The following STK24 variants were observed in gnomAD, a reference collection of about 807,000 sequenced individuals.
STK24 encodes serine/threonine kinase 24, also known as serine/threonine-protein kinase 24.
A neutral mutation model predicts 55.6 loss-of-function variants in STK24; 21 were observed. The ratio of observed to expected loss-of-function variants is 0.38; its 90% CI spans 0.27 to 0.54. STK24 has a LOEUF of 0.54. Ranked by LOEUF, STK24 falls within the 20% of genes least tolerant of loss-of-function variation. The probability of loss-of-function intolerance (pLI) is 0.79; values close to 1 mark genes in which losing one functional copy is unlikely to be tolerated. For missense variants in STK24, 383 were observed against 538.4 expected, an observed-to-expected ratio of 0.71 and a Z score of 2.86; for synonymous variants, 200 against 215.2, an observed-to-expected ratio of 0.93 and a Z score of 0.62.
chr13:98,479,269 A>G (rs1481947432), intron 3 of STK24, among the ~76,000 whole-genome samples: 1 of 152,206 alleles, frequency 6.6e-6, no homozygotes, highest in African/African-American at 2.4e-5. Flanking sequence ...TAGACACTTA[A>G]TTTCCATTTA....
intron 3 of STK24, among the ~76,000 whole-genome samples, chr13:98,476,032 TATA>T (rs531421664): frequency 1.3e-5 from 2 of 151,614 alleles, no homozygotes; most frequent in African/African-American, 4.8e-5. Context: ...ATAGATATTA[TATA>T]ATAATAATAA....
chr13:98,481,117 A>G (rs1187782972), intron 3 of STK24, among the ~76,000 whole-genome samples: 1 of 152,220 alleles, frequency 6.6e-6, no homozygotes, highest in Non-Finnish European at 1.5e-5. Context: ...GGGTGGGGAA[A>G]GAGTGATCAC....
chr13:98,506,810 G>A lies in STK24; in HGVS notation c.273+12433C>T, dbSNP rs113531894. ...TCCTGCTGAACTACCCAATAAATAC[G>A]GTGGCCGTGAGTAAGAATTCAATGC... is the stretch of plus-strand genomic sequence containing the variant. On this transcript the variant is annotated intron_variant, in intron 2 of 10. Coordinates refer to ENST00000539966, the MANE Select transcript of STK24 (RefSeq NM_001032296.4). Among the ~76,000 whole-genome samples the A allele has an allele frequency of 5.3e-5, 8 of 152,206 alleles. No homozygotes were observed. The East Asian group carries it at 5.8e-4, about 11-fold the overall frequency.
At chr13:98,484,794 T>C (rs1040297492) in intron 2 of STK24, among the ~76,000 whole-genome samples, 33 of 152,136 alleles carry the variant, frequency 2.2e-4, no homozygotes, top group African/African-American at 7.7e-4. Context: ...TCCAGAGCTC[T>C]CTACCCAGAG....
chr13:98,485,043 G>A (rs1356815971), intron 2 of STK24, among the ~76,000 whole-genome samples: 1 of 152,148 alleles, frequency 6.6e-6, no homozygotes, highest in African/African-American at 2.4e-5. Flanking sequence ...CAACAACCAG[G>A]GGGTGGGATA....
chr13:98,539,890 C>T (rs1896839187), intron 1 of STK24, among the ~76,000 whole-genome samples: 1 of 152,178 alleles, frequency 6.6e-6, no homozygotes, highest in Non-Finnish European at 1.5e-5. Flanking sequence ...ACAGGACACA[C>T]AAGTCCACGC....
chr13:98,488,160 GACACACACACACACACACACACACACAC>G (rs71213678), intron 2 of STK24, among the ~76,000 whole-genome samples: 13 of 130,350 alleles, frequency 1.0e-4, no homozygotes, highest in African/African-American at 2.9e-4. Flanking sequence ...AAGAGATGAA[GACACACACACACACACACACACACACAC>G]ACACACACAC....
At position 98,543,039 on chromosome 13, in the gene STK24, C is replaced by T. The variant is rs146566247; in HGVS notation, c.43-23566G>A. ...TGGAAGGCCCAAAGACTGAAGCCTC[C>T]GGGGGCTTACAGGTGCCAGCAAAGG... On this transcript the variant is annotated intron_variant, in intron 1 of 10. Transcript: ENST00000539966. 2.1e-3 allele frequency: 2,029 copies of T among 985,260 alleles called. 5 individuals are homozygous for T. The highest frequency in any genetic ancestry group is 2.3e-3 in the Non-Finnish European group (1,938 of 829,882). 61.0% of individuals were successfully genotyped at this position (985,260 alleles called of 1,614,324 possible). A position where few individuals can be genotyped will look rare whatever the true frequency, so the allele number is the denominator to read the frequency against.
chr13:98,533,108 G>A (rs1253191395), intron 1 of STK24, among the ~76,000 whole-genome samples: 1 of 152,242 alleles, frequency 6.6e-6, no homozygotes, highest in African/African-American at 2.4e-5. Flanking sequence ...GCCGGGTGTG[G>A]TGGCTCACGC....
chr13:98,492,393 G>T (rs1442259836), intron 2 of STK24, among the ~76,000 whole-genome samples: 1 of 152,152 alleles, frequency 6.6e-6, no homozygotes, highest in Non-Finnish European at 1.5e-5. Flanking sequence ...CCCAAAGAGG[G>T]CCCTTTCTAG....
rs538981537 is a variant in STK24, at chr13:98,484,461, T to C, written c.274-2140A>G. ...GCAGGGAGGTAATCTCCCCGCCTCT[T>C]CTCCCACTGTAGCCAGCTGTGCAAT... On this transcript the variant is annotated intron_variant, in intron 2 of 10. Coordinates refer to ENST00000539966, the MANE Select transcript of STK24 (RefSeq NM_001032296.4). Among the ~76,000 whole-genome samples, 78 of 152,140 alleles carry C rather than the reference T, an allele frequency of 5.1e-4. 1 individual carries two copies. Among genetic ancestry groups the C allele is most frequent in the Non-Finnish European group, 5.9e-5 (4 of 67,996 alleles).
At chr13:98,548,343 C>T (rs1897078971) in intron 1 of STK24, among the ~76,000 whole-genome samples, 1 of 152,200 alleles carries the variant, frequency 6.6e-6, no homozygotes, top group South Asian at 2.1e-4. Context: ...GCAGCCTCAG[C>T]TGTGTTGTCC....
intron 1 of STK24, chr13:98,576,102 G>A: frequency 1.0e-6 from 1 of 985,002 alleles, no homozygotes; most frequent in Non-Finnish European, 1.2e-6. Context: ...GCGGCTGTCC[G>A]AGGGATTCCT....
chr13:98,457,555 C>T (rs781532917), intron 9 of STK24, among the ~76,000 whole-genome samples: 5 of 151,438 alleles, frequency 3.3e-5, no homozygotes, highest in Admixed American at 6.6e-5. Context: ...CTGCAACCTC[C>T]GCCTCCTGGG....
chr13:98,472,590 T>G (rs1894194578), intron 5 of STK24, among the ~76,000 whole-genome samples: 1 of 152,248 alleles, frequency 6.6e-6, no homozygotes, highest in South Asian at 2.1e-4. Context: ...GTATTCACAG[T>G]GCAGTTGCTC....
intron 2 of STK24, among the ~76,000 whole-genome samples, chr13:98,498,716 G>A (rs538275549): frequency 2.1e-4 from 32 of 152,216 alleles, no homozygotes; most frequent in African/African-American, 5.8e-4. Context: ...CTCCCCTGCC[G>A]TCTCCCCACT....
chr13:98,521,170 G>A (rs1442162080), intron 1 of STK24, among the ~76,000 whole-genome samples: 1 of 152,154 alleles, frequency 6.6e-6, no homozygotes, highest in Non-Finnish European at 1.5e-5. Context: ...CTCCTAAAAC[G>A]CTACACAAAC....
intron 2 of STK24, among the ~76,000 whole-genome samples, chr13:98,513,257 G>C (rs912913620): frequency 2.6e-5 from 4 of 152,170 alleles, no homozygotes; most frequent in African/African-American, 9.7e-5. Flanking sequence ...CATCCAAAAT[G>C]CCCTTTGGGA....
intron 2 of STK24, among the ~76,000 whole-genome samples, chr13:98,506,485 G>A (rs368009841): frequency 2.0e-5 from 3 of 152,202 alleles, no homozygotes; most frequent in African/African-American, 7.2e-5. Flanking sequence ...CGAGGCTCCT[G>A]GCAGCAGCTG....
Sources: gnomAD v4.1 joint callset for allele counts (sites outside exome capture counted in the v4.1 genomes callset) on GRCh38, gnomAD v4.1.1 for gene constraint, MANE v1.5 for transcripts, NCBI Gene and HGNC (gene_info 2026-07-23, HGNC 2026-07-21) for gene names.